The following LINS1 variants were observed in gnomAD, a reference collection of about 807,000 sequenced individuals.
LINS1 encodes the protein lines homolog 1.
Under a neutral mutation model 41.6 loss-of-function variants are expected in LINS1, and 27 were observed. The ratio of observed to expected loss-of-function variants is 0.65; its 90% CI spans 0.48 to 0.89. The LOEUF is 0.89. LINS1 is among the 40% of genes least tolerant of loss of function. The pLI is 0.00. For synonymous variants in LINS1, 336 were observed against 312.9 expected (o/e 1.07, Z -0.78); for missense variants, 955 against 884.1 (o/e 1.08, Z -1.02).
intron 1 of LINS1, among the ~76,000 whole-genome samples, chr15:100,591,272 T>G (rs1442940125): frequency 1.3e-5 from 2 of 152,220 alleles, no homozygotes; most frequent in Non-Finnish European, 2.9e-5. Context: ...ATCTCTAGAA[T>G]GTCAAATGGT....
intron 1 of LINS1, among the ~76,000 whole-genome samples, chr15:100,597,712 G>A (rs562168195): frequency 2.2e-4 from 34 of 152,316 alleles, no homozygotes; most frequent in Non-Finnish European, 4.1e-4. Context: ...CCCTTTTCCA[G>A]TCTATGCCTT....
chr15:100,593,608 C>G (rs1431952377), intron 1 of LINS1, among the ~76,000 whole-genome samples: 3 of 150,264 alleles, frequency 2.0e-5, no homozygotes, highest in Non-Finnish European at 3.0e-5. Context: ...GATAAGAAAA[C>G]TAAGAGAGAT....
At chr15:100,596,201 A>G (rs1268710264) in intron 1 of LINS1, among the ~76,000 whole-genome samples, 1 of 152,130 alleles carries the variant, frequency 6.6e-6, no homozygotes, top group Non-Finnish European at 1.5e-5. Context: ...GTGCTACACC[A>G]TCCTTCCTTT....
chr15:100,576,359 T>C (rs12913752), intron 3 of LINS1, among the ~76,000 whole-genome samples: 25,285 of 152,190 alleles, frequency 0.17, 2,407 homozygotes, highest in South Asian at 0.21. Flanking sequence ...ACTGATTCCA[T>C]AGAAATACAA....
rs905444765 is a variant in LINS1 at position 100,568,091 on chromosome 15, T to C, written c.*1147A>G. 2 of 152,152 alleles carry C rather than the reference T, an allele frequency of 1.3e-5. No individual in the cohort carries two copies. Among genetic ancestry groups the C allele is most frequent in the Non-Finnish European group, 2.9e-5 (2 of 68,028 alleles). 9.4% of individuals were successfully genotyped at this position (152,152 alleles called of 1,614,324 possible). On this transcript the variant is annotated 3_prime_UTR_variant, in exon 7 of 7. Transcript: ENST00000314742. ...TTACAATGGAATTTACGGCTTCCCC[T>C]CAAGAATATGGAACATAATTATTCA...
chr15:100,579,251 G>A (rs2038383249), intron 3 of LINS1, among the ~76,000 whole-genome samples: 1 of 150,658 alleles, frequency 6.6e-6, no homozygotes, highest in Admixed American at 6.6e-5. Flanking sequence ...CCATGTCTTG[G>A]TAAAAAGATA....
intron 5 of LINS1, 184 bp from the exon 6 acceptor site, chr15:100,572,249 G>C (rs2037872248): frequency 1.4e-6 from 2 of 1,414,700 alleles, no homozygotes. Flanking sequence ...CTGAGGCTCA[G>C]GGAAAAAAAG....
intron 1 of LINS1, among the ~76,000 whole-genome samples, chr15:100,587,937 G>T (rs1199580948): frequency 2.0e-5 from 3 of 152,214 alleles, no homozygotes; most frequent in Admixed American, 1.3e-4. Context: ...ACCAGGGCTG[G>T]TCAGGGAGAA....
intron 1 of LINS1, among the ~76,000 whole-genome samples, chr15:100,594,044 T>C (rs8034452): frequency 6.6e-6 from 1 of 152,136 alleles, no homozygotes; most frequent in Non-Finnish European, 1.5e-5. Context: ...CCAAAATCCA[T>C]GGATGCTCAA....
intron 3 of LINS1, among the ~76,000 whole-genome samples, chr15:100,576,230 C>T (rs2038167254): frequency 6.6e-6 from 1 of 152,102 alleles, no homozygotes; most frequent in Non-Finnish European, 1.5e-5. Flanking sequence ...ATCAATGAAT[C>T]CAGGAGCTGG....
At chr15:100,573,297 G>A (rs758910852) in intron 5 of LINS1, 11 of 876,396 alleles carry the variant, frequency 1.3e-5, no homozygotes, top group South Asian at 7.2e-5. Context: ...CCATGGTCAC[G>A]CACCTGCAGT....
At position 100,580,512 on chromosome 15, in the gene LINS1, G is replaced by A. The variant is rs1187038472; in HGVS notation, c.331C>T (p.His111Tyr). 1 of 1,613,854 alleles carries A rather than the reference G, an allele frequency of 6.2e-7. No individual in the cohort carries two copies. The highest frequency in any genetic ancestry group is 1.3e-5 in the African/African-American group (1 of 74,882). The change falls in exon 2 of 7, where the codon CAT (histidine) becomes TAT (tyrosine). Residue 111 changes from histidine (H) to tyrosine (Y), a missense_variant. Coordinates refer to ENST00000314742, the MANE Select transcript of LINS1 (RefSeq NM_001040616.3). ...ACATCTCTGTACTGCTCCTTTGCAT[G>A]GAACTCGGTTTTGACAGACAATATC... Reference protein sequence around the residue: ...TRILSVKTEFHAKEQYRDVIK... With the variant: ...TRILSVKTEFYAKEQYRDVIK...
chr15:100,574,795 G>A (rs2038062893), intron 4 of LINS1, among the ~76,000 whole-genome samples, 192 bp downstream of exon 4: 4 of 152,270 alleles, frequency 2.6e-5, no homozygotes, highest in Admixed American at 2.6e-4. Flanking sequence ...CTCATGAAAA[G>A]CTTTACTTTT....
Position 100,569,612 on chromosome 15 carries a change from C to CT in LINS1, c.1899_1900insA (p.Asp634ArgfsTer3), listed in dbSNP as rs773564761. 6.2e-6 allele frequency: 10 copies of CT among 1,613,434 alleles called. No homozygotes were observed. Among genetic ancestry groups the CT allele is most frequent in the Non-Finnish European group, 8.5e-6 (10 of 1,179,474 alleles). ...TGCTCTGTGGATTCCACGTCAGAAT[C>CT]GTCAGAGCTGTCGTAATCTACCAGA... is the stretch of plus-strand genomic sequence containing the variant. On this transcript the variant is annotated frameshift_variant, in exon 7 of 7. Transcript: ENST00000314742. LOFTEE classifies it low-confidence loss of function (END_TRUNC).
chr15:100,601,243 T>C (rs1231202695), intron 1 of LINS1, among the ~76,000 whole-genome samples: 1 of 152,176 alleles, frequency 6.6e-6, no homozygotes, highest in East Asian at 1.9e-4. Context: ...CGGTAATTTA[T>C]AAAGAAAAGT....
At chr15:100,585,681 T>C (rs2038771017) in intron 1 of LINS1, among the ~76,000 whole-genome samples, 3 of 152,250 alleles carry the variant, frequency 2.0e-5, no homozygotes. Flanking sequence ...TACATGTACA[T>C]GTCTAGACGT....
chr15:100,573,216 C>G (rs2037941890), intron 5 of LINS1: 1 of 254,170 alleles, frequency 3.9e-6, no homozygotes, highest in Non-Finnish European at 6.4e-6. Context: ...CCTTGATCTC[C>G]CAGGCTAGGA....
At chr15:100,578,963 G>C (rs1355234240) in intron 3 of LINS1, among the ~76,000 whole-genome samples, 2 of 151,656 alleles carry the variant, frequency 1.3e-5, no homozygotes, top group Non-Finnish European at 2.9e-5. Flanking sequence ...CTCATAGGTG[G>C]GAACTGAACA....
intron 1 of LINS1, among the ~76,000 whole-genome samples, chr15:100,598,074 G>T (rs566200276): frequency 6.6e-6 from 1 of 152,160 alleles, no homozygotes; most frequent in Non-Finnish European, 1.5e-5. Context: ...GCTTAAATAT[G>T]ACTTTCTTTG....
Sources: gnomAD v4.1 joint callset for allele counts (sites outside exome capture counted in the v4.1 genomes callset) on GRCh38, gnomAD v4.1.1 for gene constraint, MANE v1.5 for transcripts, NCBI Gene and HGNC (gene_info 2026-07-23, HGNC 2026-07-21) for gene names.